FRRS1: variants seen among roughly 807,000 people sequenced by gnomAD.
The protein encoded by FRRS1 is ferric chelate reductase 1.
Under a neutral mutation model 70.7 loss-of-function variants are expected in FRRS1, and 51 were observed. The observed-to-expected ratio is 0.72, with a 90% confidence interval of 0.58 to 0.91. FRRS1 has a LOEUF of 0.91. Ranked by LOEUF, FRRS1 falls within the 40% of genes least tolerant of loss-of-function variation. The pLI is 0.00. For missense variants in FRRS1, 672 were observed against 726.0 expected (o/e 0.93, Z 0.86); for synonymous variants, 225 against 238.7 (o/e 0.94, Z 0.53).
At chr1:99,758,498 T>C (rs1228136491) in intron 1 of FRRS1, among the ~76,000 whole-genome samples, 2 of 152,210 alleles carry the variant, frequency 1.3e-5, no homozygotes, top group Non-Finnish European at 2.9e-5. Flanking sequence ...CTTTTATAAT[T>C]TCTTACTCCT....
At position 99,719,589 on chromosome 1, in the gene FRRS1, T is replaced by C. The variant is rs959244920; in HGVS notation, c.1065A>G (p.Thr355=). The C allele has an allele frequency of 6.2e-7, 1 of 1,612,082 alleles. No individual in the cohort carries two copies. The highest frequency in any genetic ancestry group is 1.3e-5 in the African/African-American group (1 of 74,876). The part of the protein sequence containing the change: ...PLITYEKYDV[T]DSPKNIGGSH... ...ATCCTCCTATGTTCTTTGGAGAGTC[T>C]GTCACATCATATTTTTCATAGGTAA... is the stretch of plus-strand genomic sequence containing the variant. Residue 355 remains threonine (T), a synonymous_variant, in exon 10 of 17, where the codon ACA becomes ACG. Transcript: ENST00000646001.
At chr1:99,749,910 C>T (rs907307926) in intron 1 of FRRS1, among the ~76,000 whole-genome samples, 1 of 152,170 alleles carries the variant, frequency 6.6e-6, no homozygotes, top group Admixed American at 6.5e-5. Flanking sequence ...ACACCATGGA[C>T]AGGTTGCAGA....
chr1:99,729,766 A>C lies in FRRS1; in HGVS notation c.760-18T>G. ...TCATCACCCTGAAAAACAATTGCAA[A>C]TGAGAAAAAAAGCTCAAAGGAATTT... On this transcript the variant is annotated intron_variant, in intron 7 of 16. Coordinates refer to ENST00000646001, the MANE Select transcript of FRRS1 (RefSeq NM_001361041.2). 2.0e-6 allele frequency: 3 copies of C among 1,521,414 alleles called. No homozygotes were observed. The highest frequency in any genetic ancestry group is 2.7e-6 in the Non-Finnish European group (3 of 1,099,720). The allele number at this position is 1,521,414 out of a possible 1,614,324, so 94.2% of individuals were successfully genotyped here.
rs532843933 is a variant in FRRS1 at position 99,730,561 on chromosome 1, A to T, written c.760-813T>A. 1.4e-3 allele frequency among the ~76,000 whole-genome samples: 209 copies of T among 152,216 alleles called. 1 individual carries two copies. The highest frequency in any genetic ancestry group is 3.5e-3 in the Admixed American group (53 of 15,288). On this transcript the variant is annotated intron_variant, in intron 7 of 16. Coordinates refer to ENST00000646001, the MANE Select transcript of FRRS1 (RefSeq NM_001361041.2). Reference sequence around the variant, plus strand: ...ATATGGTGAGACTTCATCCTAAAAAAAATTTTTTAAAAATCAGCCAAGCGG... The same window carrying T: ...ATATGGTGAGACTTCATCCTAAAAATAATTTTTTAAAAATCAGCCAAGCGG...
intron 7 of FRRS1, among the ~76,000 whole-genome samples, chr1:99,736,491 A>G (rs1292975360): frequency 6.6e-6 from 1 of 152,020 alleles, no homozygotes; most frequent in East Asian, 1.9e-4. Context: ...ATGGTATCCT[A>G]CATCATTCTC....
chr1:99,742,895 G>A (rs1245424746), intron 4 of FRRS1, among the ~76,000 whole-genome samples: 1 of 152,102 alleles, frequency 6.6e-6, no homozygotes, highest in Non-Finnish European at 1.5e-5. Context: ...GTGCTTATAT[G>A]TAAAGTAAGG....
chr1:99,729,636 A>AT lies in FRRS1; in HGVS notation c.858+13dup. ...GGGTCTCCAGGTGGAGGTTCTCAGAATTTTCACACCTACCCTGGAGTCCAT... is the reference window on the plus strand; with the variant it reads ...GGGTCTCCAGGTGGAGGTTCTCAGAATTTTTCACACCTACCCTGGAGTCCAT... On this transcript the variant is annotated intron_variant, in intron 8 of 16. Coordinates refer to ENST00000646001, the MANE Select transcript of FRRS1 (RefSeq NM_001361041.2). 6.4e-7 allele frequency: 1 copy of AT among 1,571,352 alleles called. No homozygotes were observed. The highest frequency in any genetic ancestry group is 1.1e-5 in the South Asian group (1 of 89,330).
At chr1:99,761,788 TAA>T (rs11357060) in intron 1 of FRRS1, among the ~76,000 whole-genome samples, 8 of 147,936 alleles carry the variant, frequency 5.4e-5, no homozygotes, top group African/African-American at 1.5e-4. Flanking sequence ...ACAGAGCTTA[TAA>T]AAAAAAAAAT....
chr1:99,758,943 A>G (rs559788738), intron 1 of FRRS1, among the ~76,000 whole-genome samples: 9 of 152,228 alleles, frequency 5.9e-5, no homozygotes, highest in African/African-American at 1.9e-4. Context: ...GTACCCTCAG[A>G]ATTACTAGGT....
intron 7 of FRRS1, among the ~76,000 whole-genome samples, chr1:99,736,834 A>AT (rs895635568): frequency 2.4e-5 from 2 of 82,348 alleles, no homozygotes; most frequent in Non-Finnish European, 3.8e-5. Flanking sequence ...TAGGACAATT[A>AT]AAAAAAAAAA....
At chr1:99,733,570 C>T (rs1655501579) in intron 7 of FRRS1, among the ~76,000 whole-genome samples, 2 of 152,186 alleles carry the variant, frequency 1.3e-5, no homozygotes, top group Non-Finnish European at 2.9e-5. Flanking sequence ...TCCCATTGGC[C>T]GAATTGGCGT....
At chr1:99,728,874 G>A (rs1287097992) in intron 8 of FRRS1, among the ~76,000 whole-genome samples, 1 of 152,122 alleles carries the variant, frequency 6.6e-6, no homozygotes, top group Non-Finnish European at 1.5e-5. Flanking sequence ...TTTACTTTGA[G>A]CCAGAACTCC....
chr1:99,732,067 G>C (rs141794351), intron 7 of FRRS1, among the ~76,000 whole-genome samples: 1,793 of 152,276 alleles, frequency 0.012, 39 homozygotes, highest in African/African-American at 0.041. Flanking sequence ...AATAATGGTT[G>C]ATTTGAGGCA....
chr1:99,747,148 A>G (rs767080038), intron 4 of FRRS1, 146 bp downstream of exon 4: 1 of 563,382 alleles, frequency 1.8e-6, no homozygotes, highest in Non-Finnish European at 3.2e-6. Flanking sequence ...ACTATTTGTT[A>G]TCAGTAAGGC....
rs528137164 is a variant in FRRS1 at position 99,741,027 on chromosome 1, C to T, written c.429-87G>A. 12 of 1,240,008 alleles carry T rather than the reference C, an allele frequency of 9.7e-6. No homozygotes were observed. In the African/African-American group the frequency reaches 1.5e-4, roughly 16 times the overall value. The allele number at this position is 1,240,008 out of a possible 1,614,324, so 76.8% of individuals were successfully genotyped here. On this transcript the variant is annotated intron_variant, in intron 5 of 16. Coordinates refer to ENST00000646001, the MANE Select transcript of FRRS1 (RefSeq NM_001361041.2). ...CGTTAAAGGAAAAAAAAAAGAAAGA[C>T]TAAACTAGAAAAACATGACTTACTA...
At position 99,707,277 on chromosome 1, in the gene FRRS1, TAATAA is replaced by T. The variant is rs1190759720; in HGVS notation, c.*1746_*1750del. 6.6e-6 allele frequency among the ~76,000 whole-genome samples: 1 copy of T among 151,848 alleles called. No individual in the cohort carries two copies. The highest frequency in any genetic ancestry group is 2.4e-5 in the African/African-American group (1 of 41,376). On this transcript the variant is annotated 3_prime_UTR_variant, in exon 17 of 17. Transcript: ENST00000646001. ...TAATGAGAAAATTTTTGAAAAATATTAATAAAATAAAGATGTAGGCTACATAGCTG... is the reference window on the plus strand; with the variant it reads ...TAATGAGAAAATTTTTGAAAAATATTAATAAAGATGTAGGCTACATAGCTG...
At chr1:99,739,163 C>T (rs1655828595) in intron 6 of FRRS1, among the ~76,000 whole-genome samples, 1 of 152,114 alleles carries the variant, frequency 6.6e-6, no homozygotes, top group East Asian at 1.9e-4. Flanking sequence ...TCTCAGGATC[C>T]CTGAACCTTC....
rs143932371 is a variant in FRRS1 at position 99,748,636 on chromosome 1, A to T, written c.133T>A (p.Ser45Thr). 3.0e-4 allele frequency: 491 copies of T among 1,613,964 alleles called. No homozygotes were observed. The highest frequency in any genetic ancestry group is 7.5e-4 in the South Asian group (68 of 91,074). The change falls in exon 3 of 17, where the codon TCT becomes ACT. Residue 45 changes from serine (S) to threonine (T), a missense_variant. By Grantham distance (58) the Ser-to-Thr change is moderately conservative. Coordinates refer to ENST00000646001, the MANE Select transcript of FRRS1 (RefSeq NM_001361041.2). Reference sequence around the variant, plus strand: ...ACGTAAATGTCATGAACAGGAACAGACTGTGGACTATGACCATGTTCAGGA... The same window carrying T: ...ACGTAAATGTCATGAACAGGAACAGTCTGTGGACTATGACCATGTTCAGGA... The part of the protein sequence containing the change: ...MIPEHGHSPQ[S>T]VPVHDIYVSQ...
At position 99,717,279 on chromosome 1, in the gene FRRS1, G is replaced by A. The variant is rs553658639; in HGVS notation, c.1236+131C>T. On this transcript the variant is annotated intron_variant, in intron 11 of 16. Transcript: ENST00000646001. ...CTCTCAATTGATCAGGAAATCAAAG[G>A]GAAAAAGGAGGATCCCAAACCTACA... 71 of 680,114 alleles carry A rather than the reference G, an allele frequency of 1.0e-4. 1 individual carries two copies. The South Asian group carries it at 1.2e-3, about 11-fold the overall frequency. 42.1% of individuals were successfully genotyped at this position (680,114 alleles called of 1,614,324 possible).
Sources: gnomAD v4.1 joint callset for allele counts (sites outside exome capture counted in the v4.1 genomes callset) on GRCh38, gnomAD v4.1.1 for gene constraint, MANE v1.5 for transcripts, NCBI Gene and HGNC (gene_info 2026-07-23, HGNC 2026-07-21) for gene names.